The following REST variants were observed in gnomAD, a reference collection of about 807,000 sequenced individuals.
REST encodes the protein RE1-silencing transcription factor.
In REST, 1 loss-of-function variant was observed where a neutral mutation model predicts 30.4. That is an observed-to-expected ratio of 0.03 (90% confidence interval 0.01 to 0.16). REST has a LOEUF of 0.16. Ranked by LOEUF, REST falls within the 10% of genes least tolerant of loss-of-function variation. REST has a pLI of 1.00. For missense variants in REST, 1,259 were observed against 1,329.5 expected, an observed-to-expected ratio of 0.95 and a Z score of 0.82; for synonymous variants, 504 against 451.1, an observed-to-expected ratio of 1.12 and a Z score of -1.49.
In REST at chr4:56,932,230, C is replaced by G; in HGVS notation, c.*78C>G. ...ATATTCATTTATGATAGCAGACAACCTTTTAAGATTGCTTTAATTAGTATC... is the reference window on the plus strand; with the variant it reads ...ATATTCATTTATGATAGCAGACAACGTTTTAAGATTGCTTTAATTAGTATC... On this transcript the variant is annotated 3_prime_UTR_variant, in exon 4 of 4. Coordinates refer to ENST00000309042, the MANE Select transcript of REST (RefSeq NM_005612.5). 1 of 1,437,752 alleles carries G rather than the reference C, an allele frequency of 7.0e-7. No homozygotes were observed. Among genetic ancestry groups the G allele is most frequent in the Non-Finnish European group, 9.3e-7 (1 of 1,069,972 alleles). 89.1% of individuals were successfully genotyped at this position (1,437,752 alleles called of 1,614,324 possible). A position where few individuals can be genotyped will look rare whatever the true frequency, so the allele number is the denominator to read the frequency against.
At chr4:56,923,785 G>T (rs553467601) in intron 3 of REST, among the ~76,000 whole-genome samples, 4 of 151,746 alleles carry the variant, frequency 2.6e-5, no homozygotes, top group African/African-American at 9.7e-5. Context: ...GCAATGGTGC[G>T]ACCTCGGCTC....
chr4:56,918,827 C>T (rs767704560), intron 2 of REST, among the ~76,000 whole-genome samples: 20 of 151,828 alleles, frequency 1.3e-4, no homozygotes, highest in Non-Finnish European at 2.5e-4. Flanking sequence ...TGCGCCACCA[C>T]GCCTGGCTAA....
At position 56,910,762 on chromosome 4, in the gene REST, G is replaced by A. The variant is rs1388661460; in HGVS notation, c.124G>A (p.Ala42Thr). The A allele has an allele frequency of 6.2e-6, 10 of 1,614,070 alleles. No homozygotes were observed. Among genetic ancestry groups the A allele is most frequent in the Non-Finnish European group, 8.5e-6 (10 of 1,180,034 alleles). The change falls in exon 2 of 4, where the codon GCC becomes ACC. Residue 42 changes from alanine (A) to threonine (T), a missense_variant. Ala to Thr is a moderately conservative substitution (Grantham distance 58, BLOSUM62 0). Coordinates refer to ENST00000309042, the MANE Select transcript of REST (RefSeq NM_005612.5). ...DLHDLSKAEL[A>T]APQLIMLANV... is the part of the protein sequence containing the mutation. Reference sequence around the variant, plus strand: ...GCATGACCTTTCCAAAGCTGAACTGGCCGCACCTCAGCTTATTATGCTGGC... The same window carrying A: ...GCATGACCTTTCCAAAGCTGAACTGACCGCACCTCAGCTTATTATGCTGGC...
rs1721048979 is a variant in REST at position 56,933,574 on chromosome 4, C to CCTGG, written c.*1426_*1429dup. ...GGGATCTCCACAAACTGGTGGGTGTCCTGGCTGTCTGTGTGATAGCCTCTT... is the reference window on the plus strand; with the variant it reads ...GGGATCTCCACAAACTGGTGGGTGTCCTGGCTGGCTGTCTGTGTGATAGCCTCTT... On this transcript the variant is annotated 3_prime_UTR_variant, in exon 4 of 4. Transcript: ENST00000309042. 1 of 152,150 alleles carries CCTGG rather than the reference C, an allele frequency of 6.6e-6. No homozygotes were observed. The highest frequency in any genetic ancestry group is 1.5e-5 in the Non-Finnish European group (1 of 68,032). The allele number at this position is 152,150 out of a possible 1,614,324, so 9.4% of individuals were successfully genotyped here. A position where few individuals can be genotyped will look rare whatever the true frequency, so the allele number is the denominator to read the frequency against.
At chr4:56,913,473 G>C (rs959762494) in intron 2 of REST, among the ~76,000 whole-genome samples, 6 of 152,136 alleles carry the variant, frequency 3.9e-5, no homozygotes, top group Admixed American at 2.6e-4. Flanking sequence ...TGAATGGATA[G>C]AGAATAATCC....
At chr4:56,909,489 C>A (rs1719797272) in intron 1 of REST, 2 of 152,176 alleles carry the variant, frequency 1.3e-5, no homozygotes, top group African/African-American at 4.8e-5. Context: ...TTAGAAAAGT[C>A]GATGTTGGGC....
intron 3 of REST, among the ~76,000 whole-genome samples, chr4:56,922,953 A>G (rs898348479): frequency 3.9e-5 from 6 of 152,216 alleles, no homozygotes; most frequent in African/African-American, 1.2e-4. Context: ...CTTTCGTTCA[A>G]TTAGTAATAC....
intron 3 of REST, chr4:56,927,742 A>T: frequency 1.9e-6 from 1 of 532,398 alleles, no homozygotes; most frequent in Non-Finnish European, 2.9e-6. Context: ...TGTATCAGTG[A>T]TTGTGACTTT....
Position 56,931,586 on chromosome 4 carries a change from G to A in REST, c.2728G>A (p.Ala910Thr), listed in dbSNP as rs1720973894. ...EEADESLPGLAANINESTHIS... is the reference protein window; with the variant it reads ...EEADESLPGLTANINESTHIS... ...GGCAGATGAGAGCCTACCTGGTCTTGCTGCTAATATCAACGAATCTACCCA... is the reference window on the plus strand; with the variant it reads ...GGCAGATGAGAGCCTACCTGGTCTTACTGCTAATATCAACGAATCTACCCA... Residue 910 changes from alanine to threonine, a missense_variant, in exon 4 of 4, where the codon GCT becomes ACT. By Grantham distance (58) the Ala-to-Thr change is moderately conservative. Transcript: ENST00000309042. 2 of 1,614,194 alleles carry A rather than the reference G, an allele frequency of 1.2e-6. No homozygotes were observed. The highest frequency in any genetic ancestry group is 4.5e-5 in the East Asian group (2 of 44,884).
rs146236318 is a variant in REST, at chr4:56,911,208, G to A, written c.570G>A (p.Glu190=). The change falls in exon 2 of 4, where the codon GAG becomes GAA. Residue 190 remains glutamate, a synonymous_variant. Transcript: ENST00000309042. ...VHSAKKFFVE[E]SAEKQAKARE... ...GTGCTAAGAAATTTTTTGTGGAAGA[G>A]AGTGCAGAGAAGCAGGCAAAAGCCA... 2 of 1,614,190 alleles carry A rather than the reference G, an allele frequency of 1.2e-6. No homozygotes were observed. Among genetic ancestry groups the A allele is most frequent in the East Asian group, 4.5e-5 (2 of 44,880 alleles).
intron 1 of REST, 74 bp from the exon 2 acceptor site, chr4:56,910,556 A>T: frequency 7.8e-7 from 1 of 1,276,970 alleles, no homozygotes; most frequent in Non-Finnish European, 1.1e-6. Context: ...ATGAAGAATT[A>T]CAGCGATGTG....
Position 56,929,948 on chromosome 4 carries a change from C to T in REST, c.1090C>T (p.Pro364Ser). 6.2e-7 allele frequency: 1 copy of T among 1,614,072 alleles called. No individual in the cohort carries two copies. Among genetic ancestry groups the T allele is most frequent in the Non-Finnish European group, 8.5e-7 (1 of 1,180,016 alleles). ...VHNGPKPLNC[P>S]HCDYKTADRS... ...CAATGGGCCTAAACCTCTTAATTGC[C>T]CACACTGTGATTACAAAACAGCAGA... is the stretch of plus-strand genomic sequence containing the variant. The change falls in exon 4 of 4, where the codon CCA (proline) becomes TCA (serine). Residue 364 changes from proline to serine, a missense_variant. This residue lies in a region of REST where 125 missense variants were observed against 255.4 expected (regional missense o/e 0.49). Coordinates refer to ENST00000309042, the MANE Select transcript of REST (RefSeq NM_005612.5).
Position 56,908,087 on chromosome 4 carries a change from G to A in REST, c.-136G>A, listed in dbSNP as rs1719702158. ...CCACTCCTGGGCCTTCTTGGTCCAC[G>A]ACGGCCCCAGCACCCAACTTTACCA... is the stretch of plus-strand genomic sequence containing the variant. On this transcript the variant is annotated 5_prime_UTR_variant, in exon 1 of 4. Coordinates refer to ENST00000309042, the MANE Select transcript of REST (RefSeq NM_005612.5). 2 of 336,544 alleles carry A rather than the reference G, an allele frequency of 5.9e-6. No individual in the cohort carries two copies. Among genetic ancestry groups the A allele is most frequent in the Non-Finnish European group, 5.4e-6 (1 of 185,354 alleles). The allele number at this position is 336,544 out of a possible 1,614,324, so 20.8% of individuals were successfully genotyped here. A position where few individuals can be genotyped will look rare whatever the true frequency, so the allele number is the denominator to read the frequency against.
chr4:56,919,198 C>G (rs1315115298), intron 2 of REST, among the ~76,000 whole-genome samples: 1 of 151,852 alleles, frequency 6.6e-6, no homozygotes, highest in Non-Finnish European at 1.5e-5. Flanking sequence ...GGCCACCGTG[C>G]CCAGCCCCAG....
Position 56,910,925 on chromosome 4 carries a change from C to T in REST, c.287C>T (p.Ser96Phe). ...GAAGAAGGAGAAGGACTTGAAGAGT[C>T]TGCTGATATAAAAGGTGAACCTCAT... The part of the protein sequence containing the change: ...DSEEGEGLEE[S>F]ADIKGEPHGL... The change falls in exon 2 of 4, where the codon TCT becomes TTT. Residue 96 changes from serine (S) to phenylalanine (F), a missense_variant. This residue lies in a region of REST where 249 missense variants were observed against 251.5 expected (regional missense o/e 0.99). Coordinates refer to ENST00000309042, the MANE Select transcript of REST (RefSeq NM_005612.5). 1 of 1,614,148 alleles carries T rather than the reference C, an allele frequency of 6.2e-7. No individual in the cohort carries two copies. Among genetic ancestry groups the T allele is most frequent in the Non-Finnish European group, 8.5e-7 (1 of 1,180,030 alleles).
chr4:56,928,655 A>G (rs956026353), intron 3 of REST, among the ~76,000 whole-genome samples: 4 of 151,336 alleles, frequency 2.6e-5, no homozygotes, highest in African/African-American at 9.7e-5. Flanking sequence ...GTGGGATCTC[A>G]GCTGACTGCA....
At chr4:56,922,241 T>C (rs1264832786) in intron 3 of REST, 1 of 151,096 alleles carries the variant, frequency 6.6e-6, no homozygotes, top group Non-Finnish European at 1.5e-5. Context: ...TGTTGATAGT[T>C]GTACTAGCTT....
Position 56,908,090 on chromosome 4 carries a change from G to C in REST, c.-133G>C. ...CTCCTGGGCCTTCTTGGTCCACGAC[G>C]GCCCCAGCACCCAACTTTACCACCC... On this transcript the variant is annotated 5_prime_UTR_variant, in exon 1 of 4. Coordinates refer to ENST00000309042, the MANE Select transcript of REST (RefSeq NM_005612.5). 3.0e-6 allele frequency: 1 copy of C among 333,736 alleles called. No homozygotes were observed. The highest frequency in any genetic ancestry group is 5.4e-6 in the Non-Finnish European group (1 of 183,604). 20.7% of individuals were successfully genotyped at this position (333,736 alleles called of 1,614,324 possible). A position where few individuals can be genotyped will look rare whatever the true frequency, so the allele number is the denominator to read the frequency against.
In REST at chr4:56,930,553, G is replaced by A; in HGVS notation, c.1695G>A (p.Val565=). 4 of 1,612,044 alleles carry A rather than the reference G, an allele frequency of 2.5e-6. No individual in the cohort carries two copies. The highest frequency in any genetic ancestry group is 3.4e-6 in the Non-Finnish European group (4 of 1,179,568). Residue 565 remains valine (V), a synonymous_variant, in exon 4 of 4, where the codon GTG becomes GTA. Transcript: ENST00000309042. ...SQEVPKGDSK[V]EENKKQNTCM... is the part of the protein sequence containing the mutation. Reference sequence around the variant, plus strand: ...AAGTGCCAAAGGGTGACAGCAAAGTGGAGGAGAATAAAAAGCAAAATACTT... The same window carrying A: ...AAGTGCCAAAGGGTGACAGCAAAGTAGAGGAGAATAAAAAGCAAAATACTT...
Sources: gnomAD v4.1 joint callset for allele counts (sites outside exome capture counted in the v4.1 genomes callset) on GRCh38, gnomAD v4.1.1 for gene constraint, gnomAD v4.1.1 regional missense constraint, MANE v1.5 for transcripts, NCBI Gene and HGNC (gene_info 2026-07-23, HGNC 2026-07-21) for gene names.